TMEM117: variants seen among roughly 807,000 people sequenced by gnomAD.
TMEM117 encodes the protein transmembrane protein 117.
Under a neutral mutation model 52.4 loss-of-function variants are expected in TMEM117, and 27 were observed. The ratio of observed to expected loss-of-function variants is 0.51; its 90% CI spans 0.38 to 0.71. TMEM117 has a LOEUF of 0.71. Ranked by LOEUF, TMEM117 falls within the 30% of genes least tolerant of loss-of-function variation. TMEM117 has a pLI of 0.00. For missense variants in TMEM117, 556 were observed against 630.5 expected (o/e 0.88, Z 1.26); for synonymous variants, 215 against 206.3 (o/e 1.04, Z -0.36).
At chr12:44,123,244 G>T (rs73093488) in intron 3 of TMEM117, among the ~76,000 whole-genome samples, 15,868 of 147,364 alleles carry the variant, frequency 0.11, 955 homozygotes, top group Middle Eastern at 0.2. Flanking sequence ...TTTTAATGGG[G>T]TTTTTTTTTT....
chr12:44,111,791 A>G (rs1211060490), intron 3 of TMEM117, among the ~76,000 whole-genome samples: 1 of 142,236 alleles, frequency 7.0e-6, no homozygotes, highest in East Asian at 2.0e-4. Context: ...TGATCTGTCT[A>G]ACGTTGACAG....
chr12:44,036,315 A>G (rs842204), intron 3 of TMEM117, among the ~76,000 whole-genome samples: 2 of 152,232 alleles, frequency 1.3e-5, no homozygotes, highest in Non-Finnish European at 2.9e-5. Context: ...AGCTTAAGCA[A>G]CTAATGTCCT....
At chr12:44,140,376 A>T (rs1025429339) in intron 3 of TMEM117, among the ~76,000 whole-genome samples, 3 of 152,176 alleles carry the variant, frequency 2.0e-5, no homozygotes, top group Non-Finnish European at 2.9e-5. Context: ...TACCCATGCC[A>T]TATATAAATA....
chr12:43,827,061 C>T, the TMEM117 span, among the ~76,000 whole-genome samples: 1 of 151,006 alleles, frequency 6.6e-6, no homozygotes. Context: ...ATGTGGACTA[C>T]TTATTGCCTC....
chr12:44,088,159 G>A (rs1276490122), intron 3 of TMEM117, among the ~76,000 whole-genome samples: 1 of 152,142 alleles, frequency 6.6e-6, no homozygotes, highest in African/African-American at 2.4e-5. Flanking sequence ...AAACAGTTTT[G>A]TTGTGGCAGA....
chr12:44,247,451 TACA>T (rs1259778683), intron 5 of TMEM117, among the ~76,000 whole-genome samples: 3 of 152,236 alleles, frequency 2.0e-5, no homozygotes, highest in Non-Finnish European at 2.9e-5. Context: ...TTATAATTGA[TACA>T]ACAATTGTAC....
intron 5 of TMEM117, among the ~76,000 whole-genome samples, chr12:44,234,038 G>GAA (rs1949964058): frequency 6.6e-6 from 1 of 151,124 alleles, no homozygotes. Flanking sequence ...TTGCCTCTAG[G>GAA]TTCATATATG....
rs11182451 is a variant in TMEM117, at chr12:44,272,992, T to C, written c.609-26588T>C. On this transcript the variant is annotated intron_variant, in intron 5 of 7. Transcript: ENST00000266534. ...AACCCAAATGTCCAACAATGATAGA[T>C]TGGATTAAGAAAATGTGGCACATAT... 9.4e-3 allele frequency among the ~76,000 whole-genome samples: 1,427 copies of C among 152,050 alleles called. 26 individuals are homozygous for C. Among genetic ancestry groups the C allele is most frequent in the African/African-American group, 0.032 (1,322 of 41,480 alleles).
intron 3 of TMEM117, among the ~76,000 whole-genome samples, chr12:44,141,281 T>C (rs1330276592): frequency 6.6e-6 from 1 of 152,108 alleles, no homozygotes; most frequent in African/African-American, 2.4e-5. Flanking sequence ...AGTTTTGCTA[T>C]ATAGATAATC....
At chr12:44,054,705 T>G (rs1428944625) in intron 3 of TMEM117, among the ~76,000 whole-genome samples, 1 of 152,140 alleles carries the variant, frequency 6.6e-6, no homozygotes, top group Non-Finnish European at 1.5e-5. Context: ...AGGATTATTT[T>G]TTTTTCAATT....
rs7308573 is a variant in TMEM117 at position 44,376,760 on chromosome 12, C to T, written c.898+36C>T. ...TCTTTGAACACAATTTGATTATCTTCGTACATTAGTTAGGGTAATGCTAGT... is the reference window on the plus strand; with the variant it reads ...TCTTTGAACACAATTTGATTATCTTTGTACATTAGTTAGGGTAATGCTAGT... On this transcript the variant is annotated intron_variant, in intron 7 of 7. Coordinates refer to ENST00000266534, the MANE Select transcript of TMEM117 (RefSeq NM_032256.3). 2.7e-3 allele frequency: 4,216 copies of T among 1,563,566 alleles called. 106 individuals carry two copies. The African/African-American group carries it at 0.051, about 19-fold the overall frequency.
At chr12:44,015,656 T>A (rs761137175) in intron 3 of TMEM117, among the ~76,000 whole-genome samples, 1 of 152,162 alleles carries the variant, frequency 6.6e-6, no homozygotes, top group African/African-American at 2.4e-5. Flanking sequence ...GCTTATAAAT[T>A]AACTCTTCGG....
Position 44,151,225 on chromosome 12 carries a change from A to G in TMEM117, c.510+7601A>G, listed in dbSNP as rs139872538. On this transcript the variant is annotated intron_variant, in intron 4 of 7. Transcript: ENST00000266534. Reference sequence around the variant, plus strand: ...CCCAACTTAGTTTCAGCTTCTTCCAATTCCATTATACTTTATTTCTATTAC... The same window carrying G: ...CCCAACTTAGTTTCAGCTTCTTCCAGTTCCATTATACTTTATTTCTATTAC... Among the ~76,000 whole-genome samples, 206 of 151,886 alleles carry G rather than the reference A, an allele frequency of 1.4e-3. 6 individuals carry two copies. The East Asian group carries it at 0.035, about 26-fold the overall frequency.
chr12:43,908,364 A>G (rs1337193194), intron 2 of TMEM117, among the ~76,000 whole-genome samples: 2 of 84,422 alleles, frequency 2.4e-5, no homozygotes, highest in African/African-American at 5.7e-5. Flanking sequence ...CATGGAAAGG[A>G]ACAACCAATA....
intron 2 of TMEM117, among the ~76,000 whole-genome samples, chr12:43,888,543 C>CTTT (rs147186370): frequency 0.011 from 982 of 92,112 alleles, 34 homozygotes; most frequent in African/African-American, 0.035. Context: ...CATTAGTTTT[C>CTTT]TTTTTTTTTT....
intron 3 of TMEM117, among the ~76,000 whole-genome samples, chr12:43,998,167 T>C (rs1946061902): frequency 6.6e-6 from 1 of 152,220 alleles, no homozygotes; most frequent in Non-Finnish European, 1.5e-5. Flanking sequence ...GATTATTTTG[T>C]AGATAGGATA....
chr12:44,296,435 A>T (rs753508546), intron 5 of TMEM117, among the ~76,000 whole-genome samples: 6 of 152,166 alleles, frequency 3.9e-5, no homozygotes, highest in Non-Finnish European at 8.8e-5. Flanking sequence ...TGATTGGGCA[A>T]GACTGCCCCT....
At chr12:43,795,845 C>T in the TMEM117 span, 3 of 1,299,798 alleles carry the variant, frequency 2.3e-6, no homozygotes, top group East Asian at 2.3e-5. Context: ...ACAAATAATA[C>T]CCTTTCCAGT....
chr12:44,073,223 T>C (rs372647577), intron 3 of TMEM117, among the ~76,000 whole-genome samples: 1 of 152,234 alleles, frequency 6.6e-6, no homozygotes, highest in South Asian at 2.1e-4. Context: ...TGAACACTTA[T>C]TGTGCCTAAT....
Sources: allele counts gnomAD v4.1 joint callset (sites outside exome capture counted in the v4.1 genomes callset), GRCh38; gene constraint gnomAD v4.1.1; transcripts MANE v1.5; gene names NCBI Gene and HGNC (gene_info 2026-07-23, HGNC 2026-07-21).